Variants in TBC1D2B observed in about 807,000 individuals in gnomAD.
The protein encoded by TBC1D2B is TBC1 domain family member 2B.
TBC1D2B carries 64 observed loss-of-function variants against 100.8 expected under a neutral mutation model. The observed-to-expected ratio is 0.64, with a 90% confidence interval of 0.52 to 0.78. The LOEUF is 0.78. Among genes scored for constraint, TBC1D2B ranks in the 30% least tolerant of loss-of-function variants. The pLI is 0.00. For missense variants in TBC1D2B, 1,052 were observed against 1,218.4 expected (o/e 0.86, Z 2.03); for synonymous variants, 480 against 479.7 (o/e 1.00, Z -0.01).
chr15:78,067,210 T>C (rs537981256), intron 1 of TBC1D2B, among the ~76,000 whole-genome samples: 2 of 152,156 alleles, frequency 1.3e-5, no homozygotes, highest in African/African-American at 4.8e-5. Flanking sequence ...GTATCACACA[T>C]GGGAAGGGGG....
intron 2 of TBC1D2B, 46 bp downstream of exon 2, chr15:78,053,988 G>T: frequency 6.4e-7 from 1 of 1,569,562 alleles, no homozygotes. Flanking sequence ...GGTATCGAAT[G>T]GCTTACACAA....
chr15:78,057,407 C>T (rs887675874), intron 1 of TBC1D2B, among the ~76,000 whole-genome samples: 6 of 151,980 alleles, frequency 3.9e-5, no homozygotes, highest in Admixed American at 2.0e-4. Context: ...TTTGGGAGGC[C>T]GAGGCAGGCG....
At chr15:78,050,898 G>C (rs567280425) in intron 2 of TBC1D2B, among the ~76,000 whole-genome samples, 1 of 152,134 alleles carries the variant, frequency 6.6e-6, no homozygotes, top group African/African-American at 2.4e-5. Flanking sequence ...GGTTTTGATC[G>C]TGGCCATATG....
chr15:78,002,303 G>T (rs1217601444), intron 11 of TBC1D2B, among the ~76,000 whole-genome samples: 1 of 152,120 alleles, frequency 6.6e-6, no homozygotes, highest in Non-Finnish European at 1.5e-5. Context: ...TCCTGCCTCA[G>T]CCTCCTGAGT....
At chr15:78,024,565 GA>G in intron 5 of TBC1D2B, 26 bp from the exon 6 acceptor site, 1 of 1,585,830 alleles carries the variant, frequency 6.3e-7, no homozygotes, top group Non-Finnish European at 8.6e-7. Context: ...AGAATGGAGT[GA>G]AGGGTGAAAA....
At chr15:78,037,847 A>G (rs1322553936) in intron 3 of TBC1D2B, among the ~76,000 whole-genome samples, 1 of 152,216 alleles carries the variant, frequency 6.6e-6, no homozygotes, top group Non-Finnish European at 1.5e-5. Flanking sequence ...TTTTATTTAC[A>G]TAACAACAGT....
At chr15:78,056,567 C>T (rs1163128246) in intron 1 of TBC1D2B, among the ~76,000 whole-genome samples, 1 of 151,702 alleles carries the variant, frequency 6.6e-6, no homozygotes, top group South Asian at 2.1e-4. Flanking sequence ...GGCCCTGGGG[C>T]GGGGCAAAGA....
rs1567026335 is a variant in TBC1D2B, at chr15:78,040,896, A to AAGAAAGAAAGAAAGAG, written c.683+4003_683+4004insCTCTTTCTTTCTTTCT. Among the ~76,000 whole-genome samples the AAGAAAGAAAGAAAGAG allele has an allele frequency of 6.2e-5, 9 of 145,210 alleles. No homozygotes were observed. In the East Asian group the frequency reaches 1.0e-3, roughly 17 times the overall value. On this transcript the variant is annotated intron_variant, in intron 3 of 12. Transcript: ENST00000300584. ...AAAGAAAGAAAGAGAGAGAGAGAGA[A>AAGAAAGAAAGAAAGAG]AGAAAGAAAGAAAGAAAAGGGAGGC... is the stretch of plus-strand genomic sequence containing the variant.
intron 3 of TBC1D2B, chr15:78,034,863 G>C: frequency 2.5e-6 from 1 of 392,640 alleles, no homozygotes; most frequent in Non-Finnish European, 3.5e-6. Flanking sequence ...TGCAACAAGG[G>C]GGTCATTACA....
chr15:78,009,661 T>A lies in TBC1D2B; in HGVS notation c.2271-547A>T, dbSNP rs996271434. On this transcript the variant is annotated intron_variant, in intron 9 of 12. Transcript: ENST00000300584. ...GTTTCCCAATGATCAGCCAGCCTCA[T>A]TAAAAAAAAGTTTTCATTATAAGAT... Among the ~76,000 whole-genome samples the A allele has an allele frequency of 3.9e-5, 6 of 152,186 alleles. No individual in the cohort carries two copies. The East Asian group carries it at 1.2e-3, about 29-fold the overall frequency.
chr15:78,022,873 A>G (rs561765041), intron 6 of TBC1D2B, among the ~76,000 whole-genome samples: 39 of 152,042 alleles, frequency 2.6e-4, no homozygotes, highest in Admixed American at 4.6e-4. Context: ...TAAATAGTAG[A>G]TATAAGTGTA....
At chr15:78,044,169 C>T (rs996405233) in intron 3 of TBC1D2B, among the ~76,000 whole-genome samples, 20 of 151,890 alleles carry the variant, frequency 1.3e-4, no homozygotes, top group African/African-American at 3.6e-4. Context: ...CTTTTTGGAT[C>T]GATGAAAACA....
chr15:78,074,231 C>G (rs1048430410), intron 1 of TBC1D2B, among the ~76,000 whole-genome samples: 1 of 151,900 alleles, frequency 6.6e-6, no homozygotes, highest in Non-Finnish European at 1.5e-5. Flanking sequence ...CCATATTGGC[C>G]AGGCTGGTCT....
At position 77,995,822 on chromosome 15, in the gene TBC1D2B, G is replaced by A. The variant is rs2071736862; in HGVS notation, c.*2338C>T. 1 of 151,770 alleles carries A rather than the reference G, an allele frequency of 6.6e-6. No individual in the cohort carries two copies. The highest frequency in any genetic ancestry group is 2.4e-5 in the African/African-American group (1 of 41,356). The allele number at this position is 151,770 out of a possible 1,614,324, so 9.4% of individuals were successfully genotyped here. A position where few individuals can be genotyped will look rare whatever the true frequency, so the allele number is the denominator to read the frequency against. On this transcript the variant is annotated 3_prime_UTR_variant, in exon 13 of 13. Coordinates refer to ENST00000300584, the MANE Select transcript of TBC1D2B (RefSeq NM_144572.2). Reference sequence around the variant, plus strand: ...TGGGTGTTGGGGTGAAGGTTCAGAGGAGGAACAGCAGCTTGGGGCAGCCCC... The same window carrying A: ...TGGGTGTTGGGGTGAAGGTTCAGAGAAGGAACAGCAGCTTGGGGCAGCCCC...
At chr15:77,998,449 G>T (rs140212171) in intron 12 of TBC1D2B, 94 bp from the exon 13 acceptor site, 4 of 1,244,866 alleles carry the variant, frequency 3.2e-6, no homozygotes, top group Non-Finnish European at 4.4e-6. Flanking sequence ...GCCTGGGGCA[G>T]GGTGGGAAGA....
chr15:78,066,890 A>T (rs2073666770), intron 1 of TBC1D2B, among the ~76,000 whole-genome samples: 1 of 152,220 alleles, frequency 6.6e-6, no homozygotes, highest in African/African-American at 2.4e-5. Context: ...GGGAAACATC[A>T]CTGATGCCTC....
chr15:78,043,734 A>G (rs967825862), intron 3 of TBC1D2B, among the ~76,000 whole-genome samples: 3 of 152,228 alleles, frequency 2.0e-5, no homozygotes, highest in Admixed American at 6.5e-5. Flanking sequence ...AATGTCCACA[A>G]TAAACAAATT....
chr15:78,003,219 G>T, intron 11 of TBC1D2B, 86 bp downstream of exon 11: 1 of 1,269,212 alleles, frequency 7.9e-7, no homozygotes. Context: ...ATAAGTTCCA[G>T]GTGAGCCAGC....
In TBC1D2B at chr15:78,025,416, G is replaced by A. The variant is rs887632468; in HGVS notation, c.929C>T (p.Ser310Leu). 46 of 1,613,768 alleles carry A rather than the reference G, an allele frequency of 2.9e-5. No homozygotes were observed. Among genetic ancestry groups the A allele is most frequent in the Non-Finnish European group, 3.5e-5 (41 of 1,179,882 alleles). Residue 310 changes from serine (S) to leucine (L), a missense_variant, in exon 5 of 13, where the codon TCG becomes TTG. Physicochemically the swap from Ser to Leu is moderately radical, Grantham distance 145 (BLOSUM62 -2). This residue lies in a region of TBC1D2B where 627 missense variants were observed against 646.1 expected (regional missense o/e 0.97). Coordinates refer to ENST00000300584, the MANE Select transcript of TBC1D2B (RefSeq NM_144572.2). ...GKRPLKDIIG[S>L]YKNRHSSGDP... Reference sequence around the variant, plus strand: ...ACCACTGCTGTGACGATTTTTGTACGACCCAATTATGTCTTTCAAAGGGCG... The same window carrying A: ...ACCACTGCTGTGACGATTTTTGTACAACCCAATTATGTCTTTCAAAGGGCG...
Sources: allele counts gnomAD v4.1 joint callset (sites outside exome capture counted in the v4.1 genomes callset), GRCh38; gene constraint gnomAD v4.1.1; regional missense constraint gnomAD v4.1.1; transcripts MANE v1.5; gene names NCBI Gene and HGNC (gene_info 2026-07-23, HGNC 2026-07-21).